Variants in DOK6 observed in about 807,000 individuals in gnomAD.
DOK6 encodes downstream of tyrosine kinase 6.
A neutral mutation model predicts 44.0 loss-of-function variants in DOK6; 22 were observed. That is an observed-to-expected ratio of 0.50 (90% CI 0.36 to 0.71). The LOEUF is 0.71. DOK6 is among the 30% of genes least tolerant of loss of function. The pLI is 0.00. For missense variants in DOK6, 340 were observed against 416.4 expected (o/e 0.82, Z 1.60); for synonymous variants, 166 against 145.5 (o/e 1.14, Z -1.01).
chr18:69,461,462 A>G (rs577923286), intron 1 of DOK6, among the ~76,000 whole-genome samples: 8 of 152,248 alleles, frequency 5.3e-5, no homozygotes, highest in Admixed American at 3.9e-4. Context: ...ACTGGCCTCT[A>G]TTAAATAAAT....
At chr18:69,558,196 T>G (rs935591782) in intron 1 of DOK6, among the ~76,000 whole-genome samples, 2 of 152,158 alleles carry the variant, frequency 1.3e-5, no homozygotes, top group African/African-American at 4.8e-5. Context: ...GCATCAGTTA[T>G]AGGGCCTAAA....
chr18:69,737,959 G>T (rs182659108), intron 5 of DOK6, among the ~76,000 whole-genome samples: 1 of 152,270 alleles, frequency 6.6e-6, no homozygotes, highest in Non-Finnish European at 1.5e-5. Flanking sequence ...TTACTCCTCT[G>T]AATCAACAAA....
intron 4 of DOK6, among the ~76,000 whole-genome samples, chr18:69,691,736 T>C (rs912440467): frequency 5.3e-5 from 8 of 152,188 alleles, no homozygotes; most frequent in African/African-American, 1.9e-4. Flanking sequence ...GCTTGATTCA[T>C]CTTGAAAACA....
intron 5 of DOK6, among the ~76,000 whole-genome samples, chr18:69,734,146 A>G (rs551889751): frequency 6.7e-6 from 1 of 150,336 alleles, no homozygotes; most frequent in Non-Finnish European, 1.5e-5. Flanking sequence ...CATGGATTCA[A>G]ATTTTTTTTT....
intron 1 of DOK6, among the ~76,000 whole-genome samples, chr18:69,461,478 T>C (rs1327671110): frequency 6.6e-6 from 1 of 152,186 alleles, no homozygotes; most frequent in East Asian, 1.9e-4. Flanking sequence ...TAAATTCCCT[T>C]TATTCATCTC....
chr18:69,713,810 C>T (rs1416279688), intron 5 of DOK6, among the ~76,000 whole-genome samples: 3 of 152,158 alleles, frequency 2.0e-5, no homozygotes, highest in African/African-American at 7.2e-5. Flanking sequence ...GTGAAACTCC[C>T]AGGATGGTAG....
chr18:69,738,862 T>A (rs1008020564), intron 5 of DOK6, 103 bp from the exon 6 acceptor site: 40 of 1,419,386 alleles, frequency 2.8e-5, no homozygotes, highest in Non-Finnish European at 3.8e-5. Flanking sequence ...CCTGTGGAGG[T>A]CAGGAGGAGG....
At chr18:69,655,319 A>G (rs1318653271) in intron 3 of DOK6, among the ~76,000 whole-genome samples, 1 of 152,168 alleles carries the variant, frequency 6.6e-6, no homozygotes, top group Non-Finnish European at 1.5e-5. Context: ...CATAATATAA[A>G]AGACAGAATA....
chr18:69,656,770 G>C (rs1333465926), intron 3 of DOK6, among the ~76,000 whole-genome samples: 3 of 152,162 alleles, frequency 2.0e-5, no homozygotes, highest in Non-Finnish European at 4.4e-5. Flanking sequence ...ATGAAAAAGG[G>C]AGAAAATAAA....
chr18:69,722,998 T>C (rs1028011178), intron 5 of DOK6, among the ~76,000 whole-genome samples: 2 of 152,220 alleles, frequency 1.3e-5, no homozygotes, highest in Non-Finnish European at 2.9e-5. Flanking sequence ...GAAAAATCCA[T>C]AAAGTCAGCC....
chr18:69,821,741 A>G (rs1981576901), intron 7 of DOK6, among the ~76,000 whole-genome samples: 2 of 151,014 alleles, frequency 1.3e-5, no homozygotes, highest in South Asian at 4.2e-4. Context: ...AAATCACATG[A>G]GCTCTCTGAT....
At chr18:69,788,910 A>T (rs1476318400) in intron 7 of DOK6, among the ~76,000 whole-genome samples, 3 of 152,320 alleles carry the variant, frequency 2.0e-5, no homozygotes, top group Middle Eastern at 3.4e-3. Flanking sequence ...TAACCAAAGA[A>T]CAGAAATAAT....
intron 1 of DOK6, among the ~76,000 whole-genome samples, chr18:69,420,703 AC>A (rs1420114836): frequency 1.3e-5 from 2 of 152,068 alleles, no homozygotes; most frequent in Non-Finnish European, 2.9e-5. Flanking sequence ...GATCTGTTAC[AC>A]TGATTTCTAG....
chr18:69,576,617 A>G (rs1983244729), intron 2 of DOK6, among the ~76,000 whole-genome samples: 1 of 152,148 alleles, frequency 6.6e-6, no homozygotes, highest in South Asian at 2.1e-4. Context: ...TGCAGCATAA[A>G]TCAATTTTTA....
intron 5 of DOK6, among the ~76,000 whole-genome samples, chr18:69,726,540 T>C (rs899343018): frequency 1.3e-5 from 2 of 152,120 alleles, no homozygotes; most frequent in African/African-American, 4.8e-5. Context: ...GACCTCACTT[T>C]GTTGTTGGAC....
intron 2 of DOK6, among the ~76,000 whole-genome samples, chr18:69,568,366 A>G (rs1014860084): frequency 2.0e-5 from 3 of 152,282 alleles, no homozygotes; most frequent in South Asian, 2.1e-4. Context: ...CTCGGCCTGT[A>G]CTTGACCAAA....
At chr18:69,550,170 A>G (rs1408109559) in intron 1 of DOK6, among the ~76,000 whole-genome samples, 2 of 152,040 alleles carry the variant, frequency 1.3e-5, no homozygotes, top group African/African-American at 2.4e-5. Flanking sequence ...TTAAAATTCA[A>G]CCTCTTCTGC....
At chr18:69,738,317 T>C (rs907454932) in intron 5 of DOK6, among the ~76,000 whole-genome samples, 6 of 152,210 alleles carry the variant, frequency 3.9e-5, no homozygotes, top group African/African-American at 1.4e-4. Flanking sequence ...ATATCCAAAA[T>C]ATTAACATAT....
intron 2 of DOK6, among the ~76,000 whole-genome samples, chr18:69,584,704 T>C (rs1183882807): frequency 1.3e-5 from 2 of 152,164 alleles, no homozygotes; most frequent in Admixed American, 6.5e-5. Flanking sequence ...CCCTAAATGT[T>C]TGGTAAATTC....
Sources: allele counts gnomAD v4.1 joint callset (sites outside exome capture counted in the v4.1 genomes callset), GRCh38; gene constraint gnomAD v4.1.1; transcripts MANE v1.5; gene names NCBI Gene and HGNC (gene_info 2026-07-23, HGNC 2026-07-21).